Variants in NR1H4 observed in about 807,000 individuals in gnomAD.
The protein encoded by NR1H4 is bile acid receptor.
A neutral mutation model predicts 58.5 loss-of-function variants in NR1H4; 23 were observed. The ratio of observed to expected loss-of-function variants is 0.39; its 90% CI spans 0.28 to 0.56. The LOEUF is 0.56. Among genes scored for constraint, NR1H4 ranks in the 20% least tolerant of loss-of-function variants. The pLI is 0.58. For missense variants in NR1H4, 487 were observed against 576.9 expected, an observed-to-expected ratio of 0.84 and a Z score of 1.60; for synonymous variants, 214 against 198.0, an observed-to-expected ratio of 1.08 and a Z score of -0.68.
rs186711706 is a variant in NR1H4 at position 100,496,553 on chromosome 12, G to A, written c.79+3151G>A. Among the ~76,000 whole-genome samples the A allele has an allele frequency of 1.9e-4, 29 of 152,314 alleles. 1 individual carries two copies. Among genetic ancestry groups the A allele is most frequent in the Admixed American group, 1.6e-3 (24 of 15,304 alleles). On this transcript the variant is annotated intron_variant, in intron 3 of 10. Transcript: ENST00000392986. ...TTAACCAGCTGTGCAGCCTTGAACA[G>A]CTCACTCAAGTTCAGTTGGTAAAAG...
chr12:100,514,749 G>A, intron 4 of NR1H4, among the ~76,000 whole-genome samples: 1 of 152,060 alleles, frequency 6.6e-6, no homozygotes, highest in Non-Finnish European at 1.5e-5. Flanking sequence ...CTCTAATGTT[G>A]ACTTAAATTG....
At position 100,540,915 on chromosome 12, in the gene NR1H4, T is replaced by C. The variant is rs888986026; in HGVS notation, c.1078+97T>C. The C allele has an allele frequency of 2.2e-5, 26 of 1,161,612 alleles. No individual in the cohort carries two copies. The Admixed American group carries it at 3.4e-4, about 15-fold the overall frequency. 72.0% of individuals were successfully genotyped at this position (1,161,612 alleles called of 1,614,324 possible). A position where few individuals can be genotyped will look rare whatever the true frequency, so the allele number is the denominator to read the frequency against. ...CTCTTGCCAATCTTATGCAATGTTA[T>C]ATGCCTGTTGTGCCTAGCATGAAGA... On this transcript the variant is annotated intron_variant, in intron 9 of 10. Coordinates refer to ENST00000392986, the MANE Select transcript of NR1H4 (RefSeq NM_001206979.2).
intron 9 of NR1H4, among the ~76,000 whole-genome samples, chr12:100,542,629 T>G (rs1450043332): frequency 6.6e-6 from 1 of 152,134 alleles, no homozygotes; most frequent in Non-Finnish European, 1.5e-5. Context: ...AGTCTTATCA[T>G]TAACAAAAGC....
At chr12:100,540,180 G>A (rs1208965395) in intron 8 of NR1H4, among the ~76,000 whole-genome samples, 1 of 152,156 alleles carries the variant, frequency 6.6e-6, no homozygotes, top group Non-Finnish European at 1.5e-5. Flanking sequence ...TCGCAGTGCT[G>A]AGTTCAGAGC....
intron 4 of NR1H4, among the ~76,000 whole-genome samples, chr12:100,524,665 A>G (rs1399845923): frequency 6.6e-6 from 1 of 152,140 alleles, no homozygotes. Context: ...CCAAAGTCAA[A>G]TGGTAAGAAG....
intron 3 of NR1H4, among the ~76,000 whole-genome samples, chr12:100,502,134 C>T (rs150522179): frequency 1.2e-4 from 18 of 152,210 alleles, no homozygotes; most frequent in South Asian, 4.1e-4. Flanking sequence ...TTAATAATCA[C>T]GTATAATTCT....
chr12:100,538,284 G>C (rs1231784263), intron 8 of NR1H4, among the ~76,000 whole-genome samples: 1 of 152,178 alleles, frequency 6.6e-6, no homozygotes, highest in East Asian at 1.9e-4. Context: ...AGATGAATTT[G>C]AATGGAAAGG....
At chr12:100,476,232 G>A (rs763844345) in intron 1 of NR1H4, among the ~76,000 whole-genome samples, 17 of 152,130 alleles carry the variant, frequency 1.1e-4, no homozygotes, top group Non-Finnish European at 2.4e-4. Flanking sequence ...GGGAATGATC[G>A]GGGAGCGGCG....
chr12:100,550,756 T>C (rs1370450229), intron 9 of NR1H4, among the ~76,000 whole-genome samples: 1 of 152,234 alleles, frequency 6.6e-6, no homozygotes, highest in Non-Finnish European at 1.5e-5. Flanking sequence ...AAATAATCCC[T>C]GACATTTATA....
intron 1 of NR1H4, among the ~76,000 whole-genome samples, chr12:100,489,825 A>C (rs1953568913): frequency 6.6e-6 from 1 of 152,196 alleles, no homozygotes; most frequent in Admixed American, 6.5e-5. Flanking sequence ...TTACTATTTC[A>C]AAAATTTAGT....
intron 3 of NR1H4, among the ~76,000 whole-genome samples, chr12:100,502,760 T>C (rs2136128230): frequency 6.6e-6 from 1 of 152,310 alleles, no homozygotes; most frequent in African/African-American, 2.4e-5. Context: ...AAAGGCTTTG[T>C]GCTAGATGAT....
chr12:100,503,531 C>G, intron 3 of NR1H4: 2 of 1,546,118 alleles, frequency 1.3e-6, no homozygotes, highest in Non-Finnish European at 1.7e-6. Flanking sequence ...TCAGGTCGAG[C>G]TCTTGCAACT....
intron 3 of NR1H4, among the ~76,000 whole-genome samples, chr12:100,509,208 A>G (rs1954044508): frequency 2.0e-5 from 3 of 152,246 alleles, no homozygotes; most frequent in South Asian, 2.1e-4. Flanking sequence ...CCCACTGTTC[A>G]TAAGAGATGG....
At chr12:100,533,627 A>G (rs1954745894) in intron 5 of NR1H4, among the ~76,000 whole-genome samples, 1 of 152,230 alleles carries the variant, frequency 6.6e-6, no homozygotes. Context: ...CTGACACTGC[A>G]CAGCTCATAT....
chr12:100,499,657 C>T (rs1024801579), intron 3 of NR1H4, among the ~76,000 whole-genome samples: 1 of 152,172 alleles, frequency 6.6e-6, no homozygotes. Flanking sequence ...TAGGCCTTAG[C>T]TCTCAACCCT....
chr12:100,511,132 A>AG lies in NR1H4; in HGVS notation c.438dup (p.Cys147ValfsTer2). 6.2e-7 allele frequency: 1 copy of AG among 1,614,232 alleles called. No homozygotes were observed. Among genetic ancestry groups the AG allele is most frequent in the South Asian group, 1.1e-5 (1 of 91,088 alleles). ...TACCACTATAATGCACTGACCTGTG[A>AG]GGGGTGTAAAGGTAAGCATCTTTGA... is the stretch of plus-strand genomic sequence containing the variant. On this transcript the variant is annotated frameshift_variant, in exon 4 of 11. Transcript: ENST00000392986. LOFTEE classifies it high-confidence loss of function.
At chr12:100,500,142 GAAAC>G (rs1333589729) in intron 3 of NR1H4, 1 of 336,692 alleles carries the variant, frequency 3.0e-6, no homozygotes, top group African/African-American at 2.2e-5. Flanking sequence ...TCAGGACAAG[GAAAC>G]AAAATCCAAT....
At chr12:100,477,573 A>G (rs1953297398) in intron 1 of NR1H4, among the ~76,000 whole-genome samples, 1 of 152,182 alleles carries the variant, frequency 6.6e-6, no homozygotes, top group African/African-American at 2.4e-5. Flanking sequence ...TATATTTAAC[A>G]CAGTTATCTG....
At chr12:100,478,326 A>G (rs1953312591) in intron 1 of NR1H4, among the ~76,000 whole-genome samples, 1 of 152,240 alleles carries the variant, frequency 6.6e-6, no homozygotes, top group Admixed American at 6.5e-5. Flanking sequence ...AGAGAGGTTT[A>G]TAATTTTTGT....
Sources: gnomAD v4.1 joint callset for allele counts (sites outside exome capture counted in the v4.1 genomes callset) on GRCh38, gnomAD v4.1.1 for gene constraint, MANE v1.5 for transcripts, NCBI Gene and HGNC (gene_info 2026-07-23, HGNC 2026-07-21) for gene names.